The following ADAM19 variants were observed in gnomAD, a reference collection of about 807,000 sequenced individuals.
ADAM19 encodes the protein disintegrin and metalloproteinase domain-containing protein 19.
ADAM19 carries 65 observed loss-of-function variants against 114.7 expected under a neutral mutation model. The observed-to-expected ratio is 0.57, with a 90% CI of 0.46 to 0.70. The LOEUF is 0.70. Among genes scored for constraint, ADAM19 ranks in the 30% least tolerant of loss-of-function variants. The pLI is 0.00. For synonymous variants in ADAM19, 466 were observed against 460.5 expected (o/e 1.01, Z -0.15); for missense variants, 1,063 against 1,204.7 (o/e 0.88, Z 1.74).
At chr5:157,570,245 G>C (rs758179722) in intron 2 of ADAM19, among the ~76,000 whole-genome samples, 4 of 152,116 alleles carry the variant, frequency 2.6e-5, no homozygotes, top group African/African-American at 4.8e-5. Context: ...GTGCGACAGA[G>C]TGAGACTCTG....
chr5:157,574,623 C>G (rs1440621404), intron 1 of ADAM19, among the ~76,000 whole-genome samples: 1 of 152,190 alleles, frequency 6.6e-6, no homozygotes, highest in Non-Finnish European at 1.5e-5. Flanking sequence ...TGGAGTCAGC[C>G]CAGCCCGTCT....
rs1244640986 is a variant in ADAM19, at chr5:157,502,957, T to C, written c.1154A>G (p.Asn385Ser). 4.3e-6 allele frequency: 7 copies of C among 1,614,026 alleles called. No homozygotes were observed. The highest frequency in any genetic ancestry group is 2.2e-5 in the East Asian group (1 of 44,874). Residue 385 changes from asparagine (N) to serine (S), a missense_variant, in exon 12 of 23, where the codon AAT (asparagine) becomes AGT (serine). Asn to Ser is a conservative substitution (Grantham distance 46, BLOSUM62 1). Coordinates refer to ENST00000257527, the MANE Select transcript of ADAM19 (RefSeq NM_033274.5). ...GTCCAGCTCCCTCCTGTTGCATCCA[T>C]TGAACACTTTGGGAAAGGGGTGCCT... ...ATGHPFPKVF[N>S]GCNRRELDRY...
chr5:157,522,355 A>G (rs1229665689), intron 5 of ADAM19, among the ~76,000 whole-genome samples: 2 of 152,252 alleles, frequency 1.3e-5, no homozygotes, highest in African/African-American at 2.4e-5. Flanking sequence ...TTTGTTACAC[A>G]GGTAAACATG....
At position 157,575,754 on chromosome 5, in the gene ADAM19, G is replaced by A. The variant is rs1757956937; in HGVS notation, c.-58C>T. On this transcript the variant is annotated 5_prime_UTR_variant, in exon 1 of 23. Transcript: ENST00000257527. Reference sequence around the variant, plus strand: ...ACGCCCTCAGCCATACCTGCCCACTGCCCGGCGGTGGAGGCGCGTCTGGAA... The same window carrying A: ...ACGCCCTCAGCCATACCTGCCCACTACCCGGCGGTGGAGGCGCGTCTGGAA... 8.3e-7 allele frequency: 1 copy of A among 1,202,668 alleles called. No individual in the cohort carries two copies. Among genetic ancestry groups the A allele is most frequent in the Non-Finnish European group, 1.0e-6 (1 of 956,274 alleles). 74.5% of individuals were successfully genotyped at this position (1,202,668 alleles called of 1,614,324 possible). A position where few individuals can be genotyped will look rare whatever the true frequency, so the allele number is the denominator to read the frequency against.
chr5:157,541,354 T>C (rs939794566), intron 3 of ADAM19, among the ~76,000 whole-genome samples: 3 of 152,222 alleles, frequency 2.0e-5, no homozygotes, highest in Non-Finnish European at 2.9e-5. Context: ...CCACTCCTTT[T>C]TTCTAGCTTT....
At chr5:157,559,554 C>A (rs906697154) in intron 3 of ADAM19, among the ~76,000 whole-genome samples, 1 of 152,150 alleles carries the variant, frequency 6.6e-6, no homozygotes, top group Non-Finnish European at 1.5e-5. Flanking sequence ...CAGGATATGG[C>A]GCTGGGGCTC....
chr5:157,500,797 A>C (rs2076408197), intron 12 of ADAM19, among the ~76,000 whole-genome samples: 1 of 152,132 alleles, frequency 6.6e-6, no homozygotes, highest in East Asian at 1.9e-4. Context: ...CGTTCCAGTG[A>C]CCCTGAGCGT....
Position 157,570,910 on chromosome 5 carries a change from G to A in ADAM19, c.165C>T (p.Ser55=). The A allele has an allele frequency of 6.2e-7, 1 of 1,614,126 alleles. No individual in the cohort carries two copies. The highest frequency in any genetic ancestry group is 8.5e-7 in the Non-Finnish European group (1 of 1,179,992). The change falls in exon 2 of 23, where the codon AGC becomes AGT. Residue 55 remains serine, a synonymous_variant. Coordinates refer to ENST00000257527, the MANE Select transcript of ADAM19 (RefSeq NM_033274.5). The part of the protein sequence containing the change: ...LIIPQWKTSE[S]PVREKHPLKA... ...TGAGTCTTACCTTTTCTCTCACGGG[G>A]CTTTCTGAAGTCTTCCACTGAGGTA... is the stretch of plus-strand genomic sequence containing the variant.
intron 3 of ADAM19, among the ~76,000 whole-genome samples, chr5:157,548,190 C>A (rs1191874831): frequency 6.6e-6 from 1 of 152,166 alleles, no homozygotes. Flanking sequence ...CTTCCCGTGC[C>A]CCCAATCCAG....
At chr5:157,573,284 C>T (rs920855663) in intron 1 of ADAM19, among the ~76,000 whole-genome samples, 1 of 152,160 alleles carries the variant, frequency 6.6e-6, no homozygotes, top group African/African-American at 2.4e-5. Context: ...AATGTTGTAT[C>T]AGAGCATTGT....
At chr5:157,501,467 G>A (rs1755560060) in intron 12 of ADAM19, among the ~76,000 whole-genome samples, 1 of 152,228 alleles carries the variant, frequency 6.6e-6, no homozygotes, top group South Asian at 2.1e-4. Flanking sequence ...CCCAAGGACA[G>A]GAACTATGTC....
intron 3 of ADAM19, among the ~76,000 whole-genome samples, chr5:157,545,247 G>A (rs957075197): frequency 3.3e-5 from 5 of 152,202 alleles, no homozygotes; most frequent in African/African-American, 1.2e-4. Flanking sequence ...CCTATTGTCA[G>A]AGCCTGCCCA....
chr5:157,543,797 G>A (rs932821294), intron 3 of ADAM19, among the ~76,000 whole-genome samples: 9 of 151,984 alleles, frequency 5.9e-5, no homozygotes, highest in Non-Finnish European at 5.9e-5. Flanking sequence ...AGCAGAAATG[G>A]CAATGCCCAG....
At chr5:157,497,598 C>A (rs1012581681) in intron 13 of ADAM19, among the ~76,000 whole-genome samples, 1 of 151,894 alleles carries the variant, frequency 6.6e-6, no homozygotes, top group Admixed American at 6.5e-5. Flanking sequence ...CACACACACA[C>A]AAAACTAGCA....
chr5:157,512,052 C>T (rs1581316042), intron 8 of ADAM19, among the ~76,000 whole-genome samples: 2 of 152,336 alleles, frequency 1.3e-5, no homozygotes, highest in South Asian at 2.1e-4. Flanking sequence ...CATATTCTCC[C>T]CAGGGAAACA....
rs1754662498 is a variant in ADAM19, at chr5:157,478,554, G to C, written c.*2395C>G. The stretch of plus-strand genomic sequence containing the variant: ...TCCTTCCCTAAGCCCAGATTTATTT[G>C]TATTTGACACCTCAAAACAGCATAC... On this transcript the variant is annotated 3_prime_UTR_variant, in exon 23 of 23. Transcript: ENST00000257527. 2.0e-6 allele frequency: 2 copies of C among 984,644 alleles called. No homozygotes were observed. 61.0% of individuals were successfully genotyped at this position (984,644 alleles called of 1,614,324 possible).
Position 157,477,595 on chromosome 5 carries a change from T to G in ADAM19, c.*3354A>C. On this transcript the variant is annotated 3_prime_UTR_variant, in exon 23 of 23. Coordinates refer to ENST00000257527, the MANE Select transcript of ADAM19 (RefSeq NM_033274.5). ...TCTACAGAACCTCTCCTTCGCAGGC[T>G]CCCCTGGGGAAGGGGACCTTTCCAG... is the stretch of plus-strand genomic sequence containing the variant. 1 of 1,265,120 alleles carries G rather than the reference T, an allele frequency of 7.9e-7. No individual in the cohort carries two copies. The highest frequency in any genetic ancestry group is 1.0e-6 in the Non-Finnish European group (1 of 975,352). 78.4% of individuals were successfully genotyped at this position (1,265,120 alleles called of 1,614,324 possible). A position where few individuals can be genotyped will look rare whatever the true frequency, so the allele number is the denominator to read the frequency against.
At chr5:157,495,418 T>C (rs1328092925) in intron 14 of ADAM19, among the ~76,000 whole-genome samples, 1 of 152,206 alleles carries the variant, frequency 6.6e-6, no homozygotes, top group African/African-American at 2.4e-5. Context: ...TTTTAAAAAA[T>C]AGGTCATACA....
intron 8 of ADAM19, among the ~76,000 whole-genome samples, chr5:157,511,215 G>A (rs949593352): frequency 1.3e-5 from 2 of 152,188 alleles, no homozygotes; most frequent in African/African-American, 2.4e-5. Flanking sequence ...CATGTATGGA[G>A]AGGACATAAT....
Sources: allele counts gnomAD v4.1 joint callset (sites outside exome capture counted in the v4.1 genomes callset), GRCh38; gene constraint gnomAD v4.1.1; transcripts MANE v1.5; gene names NCBI Gene and HGNC (gene_info 2026-07-23, HGNC 2026-07-21).